AKT3: variants seen among roughly 807,000 people sequenced by gnomAD.
AKT3 encodes RAC-gamma serine/threonine-protein kinase.
A neutral mutation model predicts 65.3 loss-of-function variants in AKT3; 15 were observed. The ratio of observed to expected loss-of-function variants is 0.23; its 90% CI spans 0.15 to 0.35. The LOEUF (loss-of-function observed/expected upper bound fraction) is 0.35, where lower values mean the gene tolerates loss of function less well. AKT3 is among the 10% of genes least tolerant of loss of function. The pLI is 1.00. For missense variants in AKT3, 243 were observed against 576.5 expected (o/e 0.42, Z 5.92); for synonymous variants, 206 against 183.8 (o/e 1.12, Z -0.98).
At chr1:243,591,695 G>C (rs1310419395) in intron 8 of AKT3, among the ~76,000 whole-genome samples, 1 of 151,570 alleles carries the variant, frequency 6.6e-6, no homozygotes, top group Non-Finnish European at 1.5e-5. Flanking sequence ...AAAGGTAGAG[G>C]GAAGCACATA....
intron 4 of AKT3, among the ~76,000 whole-genome samples, chr1:243,649,590 T>C (rs974362272): frequency 6.6e-6 from 1 of 151,938 alleles, no homozygotes; most frequent in African/African-American, 2.4e-5. Flanking sequence ...CAGGCCCCAG[T>C]ATGTGATGTT....
In AKT3 at chr1:243,504,950, T is replaced by C; in HGVS notation, c.*299A>G. ...GGTGCACAAATGAACAATGGTGGGC[T>C]CATGACTTCCAAAGGTTGGAAAATT... On this transcript the variant is annotated 3_prime_UTR_variant, in exon 14 of 14. Transcript: ENST00000673466. The C allele has an allele frequency of 2.7e-6, 1 of 367,516 alleles. No homozygotes were observed. Among genetic ancestry groups the C allele is most frequent in the South Asian group, 7.1e-5 (1 of 14,072 alleles). The allele number at this position is 367,516 out of a possible 1,614,324, so 22.8% of individuals were successfully genotyped here.
At chr1:243,658,906 G>A (rs1324735445) in intron 4 of AKT3, among the ~76,000 whole-genome samples, 1 of 150,704 alleles carries the variant, frequency 6.6e-6, no homozygotes, top group Admixed American at 6.6e-5. Flanking sequence ...TGCGTGTGTG[G>A]CTGTAGTCCC....
intron 5 of AKT3, among the ~76,000 whole-genome samples, chr1:243,642,445 G>T (rs1044078547): frequency 6.6e-6 from 1 of 152,212 alleles, no homozygotes; most frequent in African/African-American, 2.4e-5. Context: ...GAGTAGCTGG[G>T]ACTACAGGCG....
chr1:243,512,255 CTG>C (rs766556615), intron 13 of AKT3, 67 bp downstream of exon 13: 79 of 818,956 alleles, frequency 9.6e-5, no homozygotes, highest in Non-Finnish European at 1.3e-4. Context: ...TTTTAAAAGA[CTG>C]TTTTCTTCAA....
chr1:243,626,584 T>A (rs1263306367), intron 6 of AKT3, among the ~76,000 whole-genome samples: 1 of 152,030 alleles, frequency 6.6e-6, no homozygotes, highest in Non-Finnish European at 1.5e-5. Context: ...TTTTAACTAA[T>A]CTCCTAGTAG....
chr1:243,838,273 A>C (rs1558860882), intron 2 of AKT3, among the ~76,000 whole-genome samples: 1 of 152,120 alleles, frequency 6.6e-6, no homozygotes, highest in East Asian at 1.9e-4. Context: ...TTAGAAAATA[A>C]ATTTAATTTT....
chr1:243,555,000 G>A (rs753376806), intron 10 of AKT3, among the ~76,000 whole-genome samples: 3 of 151,946 alleles, frequency 2.0e-5, no homozygotes, highest in Non-Finnish European at 2.9e-5. Context: ...AAACTGCATT[G>A]TAAAAAAATC....
chr1:243,835,270 T>C (rs539715954), intron 2 of AKT3, among the ~76,000 whole-genome samples: 2 of 152,242 alleles, frequency 1.3e-5, no homozygotes, highest in Admixed American at 1.3e-4. Context: ...AAATGTCCTC[T>C]GGGGACCAAA....
In AKT3 at chr1:243,818,639, T is replaced by C. The variant is rs533979065; in HGVS notation, c.46+24486A>G. 2.6e-5 allele frequency among the ~76,000 whole-genome samples: 4 copies of C among 152,094 alleles called. No homozygotes were observed. In the East Asian group the frequency reaches 5.8e-4, roughly 22 times the overall value. ...TTTACCCAACAATTGATGAAAACAA[T>C]TAAGACTTAAATTTTTTAAACAAGT... is the stretch of plus-strand genomic sequence containing the variant. On this transcript the variant is annotated intron_variant, in intron 2 of 13. Coordinates refer to ENST00000673466, the MANE Select transcript of AKT3 (RefSeq NM_005465.7).
chr1:243,554,563 G>A (rs1290258291), intron 10 of AKT3, among the ~76,000 whole-genome samples: 3 of 152,188 alleles, frequency 2.0e-5, no homozygotes, highest in African/African-American at 4.8e-5. Context: ...AGGAAATGCT[G>A]CATGTATTAT....
intron 13 of AKT3, among the ~76,000 whole-genome samples, chr1:243,490,054 G>A (rs185841831): frequency 6.6e-6 from 1 of 152,306 alleles, no homozygotes; most frequent in East Asian, 1.9e-4. Context: ...GAGTGCCCTG[G>A]GGACTTCAGG....
intron 8 of AKT3, among the ~76,000 whole-genome samples, chr1:243,585,346 A>G (rs1390690490): frequency 6.6e-6 from 1 of 152,132 alleles, no homozygotes; most frequent in Non-Finnish European, 1.5e-5. Flanking sequence ...GGCTATACCT[A>G]CCAAACTACC....
At chr1:243,614,212 A>G (rs1030919275) in intron 7 of AKT3, among the ~76,000 whole-genome samples, 6 of 152,124 alleles carry the variant, frequency 3.9e-5, no homozygotes, top group African/African-American at 1.4e-4. Flanking sequence ...TGGTTTATAT[A>G]ATTTTGTAGG....
intron 3 of AKT3, among the ~76,000 whole-genome samples, chr1:243,677,826 C>T (rs1476349733): frequency 6.6e-6 from 1 of 152,144 alleles, no homozygotes; most frequent in Non-Finnish European, 1.5e-5. Flanking sequence ...GTGGCTCATG[C>T]CTGTAATCCC....
At chr1:243,489,035 C>T (rs1336926482) in intron 13 of AKT3, 1 of 1,613,424 alleles carries the variant, frequency 6.2e-7, no homozygotes, top group Admixed American at 1.7e-5. Context: ...TGGATAAGCA[C>T]AGCCAGGCCA....
At chr1:243,580,707 C>T (rs1238530518) in intron 8 of AKT3, among the ~76,000 whole-genome samples, 1 of 152,188 alleles carries the variant, frequency 6.6e-6, no homozygotes, top group Non-Finnish European at 1.5e-5. Context: ...AGCTTGGCAA[C>T]CTGGAACAGA....
chr1:243,744,738 C>CAAAA (rs932389262), intron 2 of AKT3, among the ~76,000 whole-genome samples: 1 of 53,240 alleles, frequency 1.9e-5, no homozygotes, highest in Non-Finnish European at 4.0e-5. Context: ...GACTCCGTCT[C>CAAAA]AAAAAAAAAA....
intron 10 of AKT3, among the ~76,000 whole-genome samples, chr1:243,562,379 G>C (rs909225542): frequency 2.5e-4 from 38 of 152,236 alleles, no homozygotes; most frequent in African/African-American, 7.7e-4. Flanking sequence ...AAAATATTCT[G>C]GAATTGGACA....
Sources: gnomAD v4.1 joint callset for allele counts (sites outside exome capture counted in the v4.1 genomes callset) on GRCh38, gnomAD v4.1.1 for gene constraint, MANE v1.5 for transcripts, NCBI Gene and HGNC (gene_info 2026-07-23, HGNC 2026-07-21) for gene names.